Variants in DST observed in about 807,000 individuals in gnomAD.
DST encodes bullous pemphigoid antigen.
A neutral mutation model predicts 875.2 loss-of-function variants in DST; 253 were observed. That is an observed-to-expected ratio of 0.29 (90% CI 0.26 to 0.32). DST has a LOEUF of 0.32. Ranked by LOEUF, DST falls within the 10% of genes least tolerant of loss-of-function variation. DST has a pLI of 1.00. For missense variants in DST, 8,287 were observed against 9,111.6 expected, an observed-to-expected ratio of 0.91 and a Z score of 3.68; for synonymous variants, 3,124 against 3,197.1, an observed-to-expected ratio of 0.98 and a Z score of 0.77.
In DST at chr6:56,535,272, C is replaced by T. The variant is rs1425525201; in HGVS notation, c.16791G>A (p.Gln5597=). ...CACAGTGCAGCAAGGCCTCCTGCAGCTGGGCTGCTCGCTGAGCCACCTGCA... is the reference window on the plus strand; with the variant it reads ...CACAGTGCAGCAAGGCCTCCTGCAGTTGGGCTGCTCGCTGAGCCACCTGCA... ...LNKKVAQRAA[Q]LQEALLHCGR... The change falls in exon 63 of 104, where the codon CAG becomes CAA. Residue 5597 remains glutamine, a synonymous_variant. Coordinates refer to ENST00000680361, the MANE Select transcript of DST (RefSeq NM_001374736.1). 1 of 1,581,104 alleles carries T rather than the reference C, an allele frequency of 6.3e-7. No homozygotes were observed. The highest frequency in any genetic ancestry group is 1.4e-5 in the African/African-American group (1 of 72,798).
intron 4 of DST, among the ~76,000 whole-genome samples, chr6:56,767,597 A>G (rs1041538365): frequency 6.6e-6 from 1 of 150,878 alleles, no homozygotes. Flanking sequence ...CCTGGGTGAC[A>G]GAGCAAGACC....
intron 102 of DST, chr6:56,461,371 C>G (rs1366258339): frequency 1.3e-5 from 2 of 152,166 alleles, no homozygotes; most frequent in East Asian, 3.8e-4. Flanking sequence ...TGTGAAAAAT[C>G]AAGAGCCTGA....
chr6:56,498,674 TATC>T (rs1435354137), intron 80 of DST, among the ~76,000 whole-genome samples: 1 of 152,162 alleles, frequency 6.6e-6, no homozygotes, highest in African/African-American at 2.4e-5. Context: ...AATATAAAAT[TATC>T]ATGTCTAAGG....
At position 56,603,893 on chromosome 6, in the gene DST, A is replaced by C. The variant is rs138249616; in HGVS notation, c.10735T>G (p.Leu3579Val). 6.2e-7 allele frequency: 1 copy of C among 1,611,654 alleles called. No homozygotes were observed. Among genetic ancestry groups the C allele is most frequent in the African/African-American group, 1.3e-5 (1 of 74,968 alleles). The part of the protein sequence containing the change: ...KDLCNDFPSH[L>V]ECTSGSKEMA... ...TCTTTAGACCCTGAAGTACATTCCA[A>C]ATGGCTTGGGAAATCATTACACAGA... The change falls in exon 40 of 104, where the codon TTG becomes GTG. Residue 3579 changes from leucine (L) to valine (V), a missense_variant. By Grantham distance (32) the Leu-to-Val change is conservative (BLOSUM62 1). This residue lies in a region of DST where 3,138 missense variants were observed against 3,116.6 expected (regional missense o/e 1.01). Transcript: ENST00000680361.
At chr6:56,696,547 A>G (rs1276997110) in intron 9 of DST, among the ~76,000 whole-genome samples, 2 of 152,084 alleles carry the variant, frequency 1.3e-5, no homozygotes, top group Admixed American at 1.3e-4. Flanking sequence ...CTTAGTATAT[A>G]ACTCCTTTTT....
intron 88 of DST, 116 bp downstream of exon 88, chr6:56,485,196 T>C: frequency 8.6e-7 from 1 of 1,159,060 alleles, no homozygotes. Context: ...ATAAAGACTG[T>C]TATGTAGTAT....
intron 4 of DST, among the ~76,000 whole-genome samples, chr6:56,777,399 T>G (rs1340059459): frequency 6.6e-6 from 1 of 152,040 alleles, no homozygotes; most frequent in East Asian, 1.9e-4. Flanking sequence ...GTAGATGGTT[T>G]CCAAACACTA....
rs190984392 is a variant in DST at position 56,865,394 on chromosome 6, G to T, written c.418-13790C>A. ...GTGGTAAAATCACAGCTCACTGTGT[G>T]GTGGTGAGATCCCAGCTCATGGCAA... On this transcript the variant is annotated intron_variant, in intron 3 of 103. Coordinates refer to ENST00000680361, the MANE Select transcript of DST (RefSeq NM_001374736.1). Among the ~76,000 whole-genome samples the T allele has an allele frequency of 1.1e-3, 165 of 152,080 alleles. 1 individual carries two copies. Among genetic ancestry groups the T allele is most frequent in the Admixed American group, 0.011 (165 of 15,280 alleles).
At position 56,605,071 on chromosome 6, in the gene DST, T is replaced by C. The variant is rs1447468587; in HGVS notation, c.9557A>G (p.His3186Arg). 2 of 1,612,660 alleles carry C rather than the reference T, an allele frequency of 1.2e-6. No individual in the cohort carries two copies. Among genetic ancestry groups the C allele is most frequent in the African/African-American group, 1.3e-5 (1 of 74,872 alleles). ...KELDLFTYLK[H>R]CAKNIKAKDV... ...TTTTGCTTTTATATTTTTAGCACAATGTTTTAAGTAAGTAAACAGATCAAG... is the reference window on the plus strand; with the variant it reads ...TTTTGCTTTTATATTTTTAGCACAACGTTTTAAGTAAGTAAACAGATCAAG... The change falls in exon 40 of 104, where the codon CAT (histidine) becomes CGT (arginine). Residue 3186 changes from histidine to arginine, a missense_variant. Coordinates refer to ENST00000680361, the MANE Select transcript of DST (RefSeq NM_001374736.1).
chr6:56,764,097 GCACACACACACA>G (rs57134689), intron 4 of DST, among the ~76,000 whole-genome samples: 3 of 141,926 alleles, frequency 2.1e-5, no homozygotes, highest in Non-Finnish European at 1.5e-5. Flanking sequence ...AAGTGCACAT[GCACACACACACA>G]CACACACACA....
intron 4 of DST, among the ~76,000 whole-genome samples, chr6:56,735,632 A>G (rs2099520351): frequency 6.6e-6 from 1 of 151,996 alleles, no homozygotes; most frequent in African/African-American, 2.4e-5. Flanking sequence ...CCTTTACCAT[A>G]TGTACATCCC....
intron 36 of DST, chr6:56,619,542 C>T: frequency 1.9e-6 from 3 of 1,613,710 alleles, no homozygotes; most frequent in Non-Finnish European, 2.5e-6. Context: ...ATATTCTTCT[C>T]AGCTACAGCA....
intron 36 of DST, among the ~76,000 whole-genome samples, chr6:56,621,218 G>A (rs968364997): frequency 2.0e-5 from 3 of 152,106 alleles, no homozygotes; most frequent in African/African-American, 7.2e-5. Flanking sequence ...AATTAAAAAT[G>A]ATACTTATAT....
chr6:56,791,126 T>C (rs2099721912), intron 4 of DST, among the ~76,000 whole-genome samples: 1 of 152,214 alleles, frequency 6.6e-6, no homozygotes, highest in African/African-American at 2.4e-5. Flanking sequence ...CTTACACGAA[T>C]CCTTTATCCT....
intron 61 of DST, among the ~76,000 whole-genome samples, chr6:56,539,202 T>G (rs939659153): frequency 4.8e-4 from 73 of 152,172 alleles, no homozygotes; most frequent in Non-Finnish European, 1.2e-4. Flanking sequence ...GGGGTTTATA[T>G]TGGAGTAGAT....
At chr6:56,753,415 T>C (rs1269499211) in intron 4 of DST, among the ~76,000 whole-genome samples, 3 of 152,204 alleles carry the variant, frequency 2.0e-5, no homozygotes, top group African/African-American at 7.2e-5. Context: ...ACTCTGCTAC[T>C]AACTCTATTG....
rs1378110559 is a variant in DST, at chr6:56,528,692, T to C, written c.17680+149A>G. ...GTGAGATCATATCCTAACCACCCCC[T>C]TGATTGGTCTTCAAAGCATTCTCCA... is the stretch of plus-strand genomic sequence containing the variant. On this transcript the variant is annotated intron_variant, in intron 67 of 103. Transcript: ENST00000680361. The C allele has an allele frequency of 7.9e-6, 5 of 630,660 alleles. No homozygotes were observed. The East Asian group carries it at 8.5e-5, about 11-fold the overall frequency. 39.1% of individuals were successfully genotyped at this position (630,660 alleles called of 1,614,324 possible).
intron 3 of DST, among the ~76,000 whole-genome samples, chr6:56,890,450 A>C (rs1786844824): frequency 6.6e-6 from 1 of 152,242 alleles, no homozygotes; most frequent in Admixed American, 6.5e-5. Context: ...TGGTAAAAAA[A>C]ATTCCTAAGC....
In DST at chr6:56,459,262, T is replaced by A; in HGVS notation, c.23200A>T (p.Lys7734Ter). ...ARVRTQFADS[K>*]KTPSRPGSRA... Reference sequence around the variant, plus strand: ...CTTCCTGGTCGGCTGGGAGTCTTCTTGGAATCTGAGGAAAGAAGGTAGAGA... The same window carrying A: ...CTTCCTGGTCGGCTGGGAGTCTTCTAGGAATCTGAGGAAAGAAGGTAGAGA... The change falls in exon 104 of 104, where the codon AAG becomes TAG. Residue 7734 changes from lysine (K) to a stop codon, truncating the protein, a stop_gained. Coordinates refer to ENST00000680361, the MANE Select transcript of DST (RefSeq NM_001374736.1). LOFTEE classifies it high-confidence loss of function. The A allele has an allele frequency of 3.7e-6, 6 of 1,612,018 alleles. No individual in the cohort carries two copies. Among genetic ancestry groups the A allele is most frequent in the Non-Finnish European group, 5.1e-6 (6 of 1,178,906 alleles).
Sources: gnomAD v4.1 joint callset for allele counts (sites outside exome capture counted in the v4.1 genomes callset) on GRCh38, gnomAD v4.1.1 for gene constraint, gnomAD v4.1.1 regional missense constraint, MANE v1.5 for transcripts, NCBI Gene and HGNC (gene_info 2026-07-23, HGNC 2026-07-21) for gene names.